The following USP34 variants were observed in gnomAD, a reference collection of about 807,000 sequenced individuals.
USP34 encodes the protein ubiquitin specific peptidase 34.
USP34 carries 70 observed loss-of-function variants against 460.3 expected under a neutral mutation model. The observed-to-expected ratio is 0.15, with a 90% CI of 0.13 to 0.19. The LOEUF (loss-of-function observed/expected upper bound fraction) is 0.19. Among genes scored for constraint, USP34 ranks in the 10% least tolerant of loss-of-function variants. The probability of loss-of-function intolerance (pLI) is 1.00; values close to 1 mark genes in which losing one functional copy is unlikely to be tolerated. For synonymous variants in USP34, 1,647 were observed against 1,405.3 expected (o/e 1.17, Z -3.85); for missense variants, 3,985 against 4,236.2 (o/e 0.94, Z 1.65).
Position 61,349,253 on chromosome 2 carries a change from G to A in USP34, c.1540C>T (p.Pro514Ser), listed in dbSNP as rs538477387. 6.2e-7 allele frequency: 1 copy of A among 1,613,334 alleles called. No individual in the cohort carries two copies. Among genetic ancestry groups the A allele is most frequent in the South Asian group, 1.1e-5 (1 of 90,906 alleles). ...EEELRRTAPS[P>S]WSPAASPQSS... ...GAATTTCTAAGGCTCAACTTACAAG[G>A]TGATGGAGCTGTTCTTCTAAGCTCT... The change falls in exon 13 of 80, where the codon CCT becomes TCT. Residue 514 changes from proline to serine, a missense_variant. By Grantham distance (74) the Pro-to-Ser change is moderately conservative. This residue lies in a region of USP34 where 716 missense variants were observed against 626.2 expected (regional missense o/e 1.14). Transcript: ENST00000398571.
At chr2:61,393,109 T>C (rs926182830) in intron 5 of USP34, among the ~76,000 whole-genome samples, 1 of 152,146 alleles carries the variant, frequency 6.6e-6, no homozygotes, top group South Asian at 2.1e-4. Context: ...ATGGATATCA[T>C]CATCATTCCC....
intron 39 of USP34, among the ~76,000 whole-genome samples, chr2:61,279,188 AATT>A (rs1158403413): frequency 6.6e-6 from 1 of 152,074 alleles, no homozygotes; most frequent in African/African-American, 2.4e-5. Flanking sequence ...TAATTTTTGT[AATT>A]ATTTCTCAAA....
At chr2:61,443,457 T>C (rs1314968357) in intron 1 of USP34, among the ~76,000 whole-genome samples, 2 of 150,246 alleles carry the variant, frequency 1.3e-5, no homozygotes, top group Non-Finnish European at 2.9e-5. Flanking sequence ...TTAAAATAAA[T>C]TTTTTAAAAA....
chr2:61,396,425 C>A lies in USP34; in HGVS notation c.553-1192G>T, dbSNP rs1273352557. On this transcript the variant is annotated intron_variant, in intron 3 of 79. Transcript: ENST00000398571. ...ATACGCATAACGATGCTCATTAACC[C>A]ACAATTAGAAACAACTGACATCCAT... Among the ~76,000 whole-genome samples the A allele has an allele frequency of 2.0e-5, 3 of 152,062 alleles. No individual in the cohort carries two copies. The East Asian group carries it at 5.8e-4, about 29-fold the overall frequency.
chr2:61,226,397 T>C (rs1298132376), intron 62 of USP34, among the ~76,000 whole-genome samples: 1 of 152,206 alleles, frequency 6.6e-6, no homozygotes, highest in Admixed American at 6.5e-5. Context: ...TGGGTGAATT[T>C]GCAAATAGGA....
intron 1 of USP34, among the ~76,000 whole-genome samples, chr2:61,458,622 GAAA>G (rs59134299): frequency 6.2e-4 from 70 of 113,204 alleles, no homozygotes; most frequent in African/African-American, 1.9e-3. Flanking sequence ...AGGCAAAAAG[GAAA>G]AAAAAAAAAA....
Position 61,265,549 on chromosome 2 carries a change from G to C in USP34, c.5626C>G (p.Pro1876Ala). Residue 1876 changes from proline to alanine, a missense_variant, in exon 43 of 80, where the codon CCT becomes GCT. By Grantham distance (27) the Pro-to-Ala change is conservative. Transcript: ENST00000398571. ...VMAQHMQSHAPYKWDYWPHED... is the reference protein window; with the variant it reads ...VMAQHMQSHAAYKWDYWPHED... ...TGAGGCCAGTAATCCCATTTATAAG[G>C]TGCATGGGCTGCTGAAGAAAGAGGG... is the stretch of plus-strand genomic sequence containing the variant. 1.3e-6 allele frequency: 2 copies of C among 1,591,102 alleles called. No homozygotes were observed. Among genetic ancestry groups the C allele is most frequent in the Non-Finnish European group, 1.7e-6 (2 of 1,165,700 alleles).
intron 1 of USP34, among the ~76,000 whole-genome samples, chr2:61,450,886 CAAAAAAA>C (rs71405120): frequency 5.3e-4 from 68 of 127,352 alleles, no homozygotes; most frequent in African/African-American, 1.5e-3. Flanking sequence ...GGAGGAGATG[CAAAAAAA>C]AAAAAAAAGG....
chr2:61,456,178 G>A (rs1249230966), intron 1 of USP34, among the ~76,000 whole-genome samples: 6 of 152,214 alleles, frequency 3.9e-5, no homozygotes, highest in Non-Finnish European at 7.3e-5. Context: ...GGTTTTCAGT[G>A]TATTAGATAT....
At chr2:61,321,824 A>T (rs1327524583) in intron 21 of USP34, among the ~76,000 whole-genome samples, 2 of 152,238 alleles carry the variant, frequency 1.3e-5, no homozygotes. Flanking sequence ...AATCCTAAAA[A>T]TTGAGGAATC....
chr2:61,232,624 G>A, intron 57 of USP34, 92 bp from the exon 58 acceptor site: 1 of 1,051,270 alleles, frequency 9.5e-7, no homozygotes, highest in Middle Eastern at 2.2e-4. Flanking sequence ...TCTAGTCAAT[G>A]TTTTAATTCT....
chr2:61,298,807 T>A (rs1029777917), intron 29 of USP34, among the ~76,000 whole-genome samples: 3 of 152,084 alleles, frequency 2.0e-5, no homozygotes, highest in African/African-American at 7.2e-5. Context: ...TAGGTCCTTT[T>A]GCGATACAAG....
rs1192829826 is a variant in USP34 at position 61,246,456 on chromosome 2, T to C, written c.6416A>G (p.His2139Arg). 3 of 1,585,634 alleles carry C rather than the reference T, an allele frequency of 1.9e-6. No homozygotes were observed. Among genetic ancestry groups the C allele is most frequent in the Non-Finnish European group, 2.6e-6 (3 of 1,166,096 alleles). ...TTCATAGCTCTCTGAGTCTTTTGAA[T>C]GATCACTGACTTCTTTAAAACCTGA... Reference protein sequence around the residue: ...RKEGFKEVSDHSKDSESYEYD... With the variant: ...RKEGFKEVSDRSKDSESYEYD... Residue 2139 changes from histidine (H) to arginine (R), a missense_variant, in exon 50 of 80, where the codon CAT (histidine) becomes CGT (arginine). By Grantham distance (29) the His-to-Arg change is conservative. Around this residue, in one of 14 missense-constraint regions of USP34, gnomAD observed 70 missense variants for 78.1 expected, o/e 0.90. Transcript: ENST00000398571.
chr2:61,237,561 T>A (rs1330388258), intron 53 of USP34, among the ~76,000 whole-genome samples: 12 of 126,734 alleles, frequency 9.5e-5, no homozygotes, highest in African/African-American at 3.3e-4. Flanking sequence ...TGGATTTTTT[T>A]TTTTTTTTTT....
In USP34 at chr2:61,265,774, T is replaced by C. The variant is rs1689027855; in HGVS notation, c.5617+210A>G. On this transcript the variant is annotated intron_variant, in intron 42 of 79. Coordinates refer to ENST00000398571, the MANE Select transcript of USP34 (RefSeq NM_014709.4). Reference sequence around the variant, plus strand: ...AACTTGATTTTACTTGGCCCCAAATTACTTTTACAGAAAAAGCCGAAGTAT... The same window carrying C: ...AACTTGATTTTACTTGGCCCCAAATCACTTTTACAGAAAAAGCCGAAGTAT... 4 of 683,952 alleles carry C rather than the reference T, an allele frequency of 5.8e-6. No individual in the cohort carries two copies. The East Asian group carries it at 1.3e-4, about 23-fold the overall frequency. 42.4% of individuals were successfully genotyped at this position (683,952 alleles called of 1,614,324 possible). A position where few individuals can be genotyped will look rare whatever the true frequency, so the allele number is the denominator to read the frequency against.
intron 39 of USP34, 94 bp downstream of exon 39, chr2:61,280,150 T>C (rs1689491368): frequency 3.0e-6 from 2 of 666,618 alleles, no homozygotes; most frequent in Non-Finnish European, 4.6e-6. Context: ...ATTAATGAAG[T>C]ACACTTAATA....
At chr2:61,360,576 C>G (rs1692244598) in intron 10 of USP34, among the ~76,000 whole-genome samples, 1 of 152,196 alleles carries the variant, frequency 6.6e-6, no homozygotes, top group Non-Finnish European at 1.5e-5. Flanking sequence ...ATTCCATATT[C>G]ATGCACTGAA....
intron 41 of USP34, 103 bp downstream of exon 41, chr2:61,278,062 G>A (rs1689424859): frequency 5.8e-6 from 8 of 1,369,440 alleles, no homozygotes; most frequent in African/African-American, 1.5e-5. Context: ...GCCCAGTCTC[G>A]GGTATGCCTT....
chr2:61,202,918 C>G (rs1309271512), intron 75 of USP34, among the ~76,000 whole-genome samples: 2 of 151,958 alleles, frequency 1.3e-5, no homozygotes, highest in Non-Finnish European at 2.9e-5. Context: ...ACTCCACACT[C>G]CTTTATAGGC....
Sources: allele counts gnomAD v4.1 joint callset (sites outside exome capture counted in the v4.1 genomes callset), GRCh38; gene constraint gnomAD v4.1.1; regional missense constraint gnomAD v4.1.1; transcripts MANE v1.5; gene names NCBI Gene and HGNC (gene_info 2026-07-23, HGNC 2026-07-21).